MALSU1: variants seen among roughly 807,000 people sequenced by gnomAD.
The protein encoded by MALSU1 is mitochondrial assembly of ribosomal large subunit 1, also known as mitochondrial assembly of ribosomal large subunit protein 1.
In MALSU1, 22 loss-of-function variants were observed where a neutral mutation model predicts 22.1. That is an observed-to-expected ratio of 1.00 (90% CI 0.71 to 1.42). The LOEUF is 1.42. Ranked by LOEUF, MALSU1 falls within the 40% of genes most tolerant of loss-of-function variation. The pLI is 0.00. For missense variants in MALSU1, 379 were observed against 308.3 expected (o/e 1.23, Z -1.72); for synonymous variants, 153 against 118.5 (o/e 1.29, Z -1.89).
chr7:23,302,640 T>C (rs1441655419), intron 2 of MALSU1, among the ~76,000 whole-genome samples: 1 of 152,142 alleles, frequency 6.6e-6, no homozygotes, highest in Admixed American at 6.5e-5. Flanking sequence ...GTAAAAAGAA[T>C]GGGAGGTTTT....
At chr7:23,307,973 C>T (rs908296717) in intron 3 of MALSU1, 24 bp downstream of exon 3, 3 of 1,530,570 alleles carry the variant, frequency 2.0e-6, no homozygotes, top group Non-Finnish European at 2.7e-6. Flanking sequence ...GCGTATTTTA[C>T]AGGTAACTGT....
rs552106095 is a variant in MALSU1 at position 23,311,313 on chromosome 7, C to G, written c.*1770C>G. ...AAGCTAAAGCTTGCTTTTTGCCAGT[C>G]AGTTGAAAGTCTTGCATCTCTTCAC... On this transcript the variant is annotated 3_prime_UTR_variant, in exon 4 of 4. Coordinates refer to ENST00000466681, the MANE Select transcript of MALSU1 (RefSeq NM_138446.2). The G allele has an allele frequency of 1.3e-5, 2 of 152,638 alleles. No homozygotes were observed. Among genetic ancestry groups the G allele is most frequent in the East Asian group, 3.9e-4 (2 of 5,186 alleles). 9.5% of individuals were successfully genotyped at this position (152,638 alleles called of 1,614,324 possible). A position where few individuals can be genotyped will look rare whatever the true frequency, so the allele number is the denominator to read the frequency against.
Position 23,310,445 on chromosome 7 carries a change from A to T in MALSU1, c.*902A>T, listed in dbSNP as rs550026055. 5.6e-4 allele frequency: 86 copies of T among 152,398 alleles called. No homozygotes were observed. The highest frequency in any genetic ancestry group is 2.0e-3 in the African/African-American group (84 of 41,606). 9.4% of individuals were successfully genotyped at this position (152,398 alleles called of 1,614,324 possible). ...AATATGACAGAATTTAAACCAGCAG[A>T]TATAAATGCAGCACCTATGTGTATA... On this transcript the variant is annotated 3_prime_UTR_variant, in exon 4 of 4. Coordinates refer to ENST00000466681, the MANE Select transcript of MALSU1 (RefSeq NM_138446.2).
chr7:23,301,779 G>A (rs1198189373), intron 2 of MALSU1, among the ~76,000 whole-genome samples: 2 of 152,116 alleles, frequency 1.3e-5, no homozygotes, highest in African/African-American at 4.8e-5. Context: ...GACCATCCTG[G>A]CCAACATGGT....
chr7:23,308,114 G>C (rs192439), intron 3 of MALSU1, 165 bp downstream of exon 3: 23,156 of 622,074 alleles, frequency 0.037, 832 homozygotes, highest in African/African-American at 0.11. Context: ...AATCCAGGTG[G>C]TCTTATTCAC....
At position 23,309,794 on chromosome 7, in the gene MALSU1, G is replaced by GGAGT. The variant is rs1181837363; in HGVS notation, c.*252_*255dup. 2 of 263,394 alleles carry GGAGT rather than the reference G, an allele frequency of 7.6e-6. No homozygotes were observed. Among genetic ancestry groups the GGAGT allele is most frequent in the Admixed American group, 1.1e-4 (2 of 18,820 alleles). 16.3% of individuals were successfully genotyped at this position (263,394 alleles called of 1,614,324 possible). ...CCTGGAAATGTCATCAGAATTTCCT[G>GGAGT]GAGTTAGCACTGGCTCCTGTGCTTG... On this transcript the variant is annotated 3_prime_UTR_variant, in exon 4 of 4. Transcript: ENST00000466681.
chr7:23,307,266 T>C (rs778489986), intron 2 of MALSU1, among the ~76,000 whole-genome samples: 1 of 152,220 alleles, frequency 6.6e-6, no homozygotes, highest in Non-Finnish European at 1.5e-5. Flanking sequence ...CCTAGTTTCA[T>C]TGATTTTGTC....
intron 1 of MALSU1, among the ~76,000 whole-genome samples, chr7:23,300,245 T>G (rs1228336349): frequency 6.6e-6 from 1 of 152,172 alleles, no homozygotes; most frequent in Non-Finnish European, 1.5e-5. Context: ...AGGTAACAGT[T>G]GTTAATAACC....
chr7:23,309,787 AT>A lies in MALSU1; in HGVS notation c.*247del, dbSNP rs1783781974. 2 of 272,382 alleles carry A rather than the reference AT, an allele frequency of 7.3e-6. No homozygotes were observed. The highest frequency in any genetic ancestry group is 1.4e-5 in the Non-Finnish European group (2 of 146,562). The allele number at this position is 272,382 out of a possible 1,614,324, so 16.9% of individuals were successfully genotyped here. ...CCTTTATCCTGGAAATGTCATCAGAATTTCCTGGAGTTAGCACTGGCTCCTG... is the reference window on the plus strand; with the variant it reads ...CCTTTATCCTGGAAATGTCATCAGAATTCCTGGAGTTAGCACTGGCTCCTG... On this transcript the variant is annotated 3_prime_UTR_variant, in exon 4 of 4. Coordinates refer to ENST00000466681, the MANE Select transcript of MALSU1 (RefSeq NM_138446.2).
At chr7:23,302,543 G>A (rs968966064) in intron 2 of MALSU1, among the ~76,000 whole-genome samples, 3 of 152,326 alleles carry the variant, frequency 2.0e-5, no homozygotes, top group African/African-American at 7.2e-5. Context: ...ATAAAGAAGA[G>A]ATATACAAAG....
chr7:23,301,850 T>G (rs991895198), intron 2 of MALSU1, among the ~76,000 whole-genome samples: 1 of 151,970 alleles, frequency 6.6e-6, no homozygotes, highest in African/African-American at 2.4e-5. Context: ...GTGCCTGTAA[T>G]TCCAGCTACT....
intron 2 of MALSU1, 169 bp from the exon 3 acceptor site, chr7:23,307,699 A>G: frequency 1.8e-6 from 1 of 564,368 alleles, no homozygotes; most frequent in Non-Finnish European, 3.1e-6. Context: ...TAAGATTTAG[A>G]GGGAGAAATA....
intron 3 of MALSU1, among the ~76,000 whole-genome samples, chr7:23,309,005 TGGATAGTCAAA>T (rs1474606785): frequency 6.6e-6 from 1 of 152,214 alleles, no homozygotes. Context: ...CAAACATTCT[TGGATAGTCAAA>T]ACAAAAGGCA....
At chr7:23,300,236 G>A (rs1341187999) in intron 1 of MALSU1, among the ~76,000 whole-genome samples, 3 of 152,068 alleles carry the variant, frequency 2.0e-5, no homozygotes, top group African/African-American at 7.2e-5. Flanking sequence ...GATTTTCATA[G>A]GTAACAGTTG....
chr7:23,301,901 G>A (rs992998273), intron 2 of MALSU1, among the ~76,000 whole-genome samples: 2 of 151,838 alleles, frequency 1.3e-5, no homozygotes, highest in African/African-American at 4.8e-5. Context: ...CCTGGGAGGC[G>A]GAGGTTGCAG....
chr7:23,310,034 T>C lies in MALSU1; in HGVS notation c.*491T>C, dbSNP rs1454593424. 1 of 151,312 alleles carries C rather than the reference T, an allele frequency of 6.6e-6. No individual in the cohort carries two copies. Among genetic ancestry groups the C allele is most frequent in the South Asian group, 2.1e-4 (1 of 4,786 alleles). 9.4% of individuals were successfully genotyped at this position (151,312 alleles called of 1,614,324 possible). A position where few individuals can be genotyped will look rare whatever the true frequency, so the allele number is the denominator to read the frequency against. On this transcript the variant is annotated 3_prime_UTR_variant, in exon 4 of 4. Transcript: ENST00000466681. ...ACAAGAAAGTAAACAAAGTGTTTGT[T>C]AGGAAAAACTCTGAACGCTCTAGTT...
chr7:23,309,494 T>C lies in MALSU1; in HGVS notation c.656T>C (p.Ile219Thr), dbSNP rs878937808. 1.2e-6 allele frequency: 2 copies of C among 1,611,902 alleles called. No individual in the cohort carries two copies. The highest frequency in any genetic ancestry group is 1.3e-5 in the African/African-American group (1 of 74,812). Residue 219 changes from isoleucine to threonine, a missense_variant, in exon 4 of 4, where the codon ATA (isoleucine) becomes ACA (threonine). Physicochemically the swap from Ile to Thr is moderately conservative, Grantham distance 89. Coordinates refer to ENST00000466681, the MANE Select transcript of MALSU1 (RefSeq NM_138446.2). ...GTACCTGAAGACTTCATTCTTGGAA[T>C]AGAAGATGATACTTCATCTGTGACT... The part of the protein sequence containing the change: ...ETVPEDFILG[I>T]EDDTSSVTPV...
intron 2 of MALSU1, chr7:23,301,232 CTTT>C: frequency 4.9e-6 from 2 of 408,342 alleles, no homozygotes; most frequent in Non-Finnish European, 8.6e-6. Flanking sequence ...ATATCAAAAT[CTTT>C]TCTCTTGTGA....
At chr7:23,299,629 G>A (rs1461587871) in intron 1 of MALSU1, 21 bp downstream of exon 1, 1 of 1,552,960 alleles carries the variant, frequency 6.4e-7, no homozygotes, top group South Asian at 1.2e-5. Flanking sequence ...GGAGAAGAAC[G>A]AAGGCGACCC....
Sources: allele counts gnomAD v4.1 joint callset (sites outside exome capture counted in the v4.1 genomes callset), GRCh38; gene constraint gnomAD v4.1.1; transcripts MANE v1.5; gene names NCBI Gene and HGNC (gene_info 2026-07-23, HGNC 2026-07-21).